The following PLCB4 variants were observed in gnomAD, a reference collection of about 807,000 sequenced individuals.
The protein encoded by PLCB4 is phospholipase C beta 4.
Under a neutral mutation model 178.8 loss-of-function variants are expected in PLCB4, and 77 were observed. The observed-to-expected ratio is 0.43, with a 90% CI of 0.36 to 0.52. The LOEUF (loss-of-function observed/expected upper bound fraction) is 0.52. PLCB4 is among the 20% of genes least tolerant of loss of function. The pLI is 0.00. For synonymous variants in PLCB4, 496 were observed against 490.8 expected (o/e 1.01, Z -0.14); for missense variants, 1,024 against 1,453.4 (o/e 0.70, Z 4.80).
chr20:9,209,665 G>C (rs912188658), intron 2 of PLCB4, among the ~76,000 whole-genome samples: 8 of 152,056 alleles, frequency 5.3e-5, no homozygotes, highest in African/African-American at 1.9e-4. Context: ...CAGCCTGAGT[G>C]AACTTGTAAG....
In PLCB4 at chr20:9,075,217, T is replaced by G. The variant is rs576989668; in HGVS notation, c.-135+6011T>G. 2.1e-3 allele frequency among the ~76,000 whole-genome samples: 319 copies of G among 152,228 alleles called. 2 individuals carry two copies. Among genetic ancestry groups the G allele is most frequent in the Non-Finnish European group, 3.6e-3 (246 of 68,010 alleles). On this transcript the variant is annotated intron_variant, in intron 1 of 39. Coordinates refer to ENST00000378473, the MANE Select transcript of PLCB4 (RefSeq NM_001377142.1). The stretch of plus-strand genomic sequence containing the variant: ...AGGCTGACATCAGAACTCCAACTTC[T>G]AACCACCGTACTGTGTATTACCTGT...
intron 4 of PLCB4, among the ~76,000 whole-genome samples, chr20:9,335,480 A>C (rs1333344736): frequency 6.6e-6 from 1 of 152,154 alleles, no homozygotes; most frequent in Non-Finnish European, 1.5e-5. Flanking sequence ...ACTGTCCAAA[A>C]ATGCCATTTT....
At chr20:9,328,656 T>G (rs1454594622) in intron 4 of PLCB4, among the ~76,000 whole-genome samples, 1 of 152,214 alleles carries the variant, frequency 6.6e-6, no homozygotes, top group Non-Finnish European at 1.5e-5. Context: ...GTCTTTCATG[T>G]GTCAGCCTCA....
intron 7 of PLCB4, among the ~76,000 whole-genome samples, chr20:9,342,416 G>T (rs1250967222): frequency 6.6e-6 from 1 of 152,098 alleles, no homozygotes; most frequent in African/African-American, 2.4e-5. Flanking sequence ...GAATCAGGGG[G>T]CCATGAAATA....
chr20:9,298,925 A>G (rs2094671937), intron 3 of PLCB4, among the ~76,000 whole-genome samples: 1 of 152,102 alleles, frequency 6.6e-6, no homozygotes, highest in African/African-American at 2.4e-5. Flanking sequence ...TAGATAAATC[A>G]TAGCAAAGGC....
At chr20:9,186,695 G>C (rs1299307891) in intron 2 of PLCB4, among the ~76,000 whole-genome samples, 4 of 152,100 alleles carry the variant, frequency 2.6e-5, no homozygotes, top group Non-Finnish European at 5.9e-5. Context: ...GTGTGGTCCA[G>C]GTCCACTTTG....
intron 19 of PLCB4, among the ~76,000 whole-genome samples, chr20:9,397,976 G>A (rs1449445056): frequency 3.3e-5 from 5 of 152,254 alleles, no homozygotes; most frequent in East Asian, 1.9e-4. Flanking sequence ...TATCCCGGAC[G>A]GCTTACTCAC....
At chr20:9,259,366 A>G (rs1033114290) in intron 3 of PLCB4, among the ~76,000 whole-genome samples, 11 of 152,222 alleles carry the variant, frequency 7.2e-5, no homozygotes, top group Admixed American at 7.2e-4. Context: ...TAGATAGTAC[A>G]GAACATGATA....
chr20:9,151,617 C>A (rs1366882907), intron 2 of PLCB4, among the ~76,000 whole-genome samples: 1 of 152,152 alleles, frequency 6.6e-6, no homozygotes, highest in African/African-American at 2.4e-5. Flanking sequence ...GAGGCCTCCC[C>A]AGCCATGTGG....
chr20:9,463,024 C>T (rs2043506588), intron 35 of PLCB4, among the ~76,000 whole-genome samples: 1 of 152,136 alleles, frequency 6.6e-6, no homozygotes, highest in Non-Finnish European at 1.5e-5. Context: ...AGAGAAAGGT[C>T]GGGTTACCCA....
rs1209199600 is a variant in PLCB4, at chr20:9,395,665, T to C, written c.1510+47T>C. 7 of 1,384,462 alleles carry C rather than the reference T, an allele frequency of 5.1e-6. No individual in the cohort carries two copies. In the Admixed American group the frequency reaches 1.2e-4, roughly 24 times the overall value. 85.8% of individuals were successfully genotyped at this position (1,384,462 alleles called of 1,614,324 possible). ...TAAGTTACATGCTTTGAAAATACTT[T>C]TTAAATAAGAAAACCAGGCTGGGCA... On this transcript the variant is annotated intron_variant, in intron 19 of 39. Transcript: ENST00000378473.
chr20:9,191,516 A>T (rs150280592), intron 2 of PLCB4, among the ~76,000 whole-genome samples: 1 of 152,126 alleles, frequency 6.6e-6, no homozygotes, highest in Non-Finnish European at 1.5e-5. Context: ...TCTATTATTT[A>T]TAACTTACCC....
intron 2 of PLCB4, among the ~76,000 whole-genome samples, chr20:9,173,001 A>G (rs1418174722): frequency 4.6e-5 from 7 of 152,152 alleles, no homozygotes; most frequent in African/African-American, 1.7e-4. Flanking sequence ...TATAAGAAAA[A>G]TCTCACTCTG....
At chr20:9,460,193 A>G (rs2072954) in intron 35 of PLCB4, among the ~76,000 whole-genome samples, 42,267 of 152,166 alleles carry the variant, frequency 0.28, 6,065 homozygotes, top group Middle Eastern at 0.38. Flanking sequence ...ACAAAGTAGC[A>G]TATGACACAT....
intron 15 of PLCB4, among the ~76,000 whole-genome samples, chr20:9,388,238 CAATA>C (rs2037844325): frequency 6.6e-6 from 1 of 152,106 alleles, no homozygotes; most frequent in African/African-American, 2.4e-5. Context: ...AACTCCATCT[CAATA>C]AATAAATAAG....
intron 3 of PLCB4, among the ~76,000 whole-genome samples, chr20:9,274,926 T>C (rs1387818093): frequency 1.3e-5 from 2 of 152,056 alleles, no homozygotes; most frequent in Non-Finnish European, 2.9e-5. Context: ...GTCATTCAAG[T>C]GTAAGAAAAA....
chr20:9,307,769 A>G (rs778208884), intron 3 of PLCB4, 31 bp from the exon 4 acceptor site: 3 of 1,011,412 alleles, frequency 3.0e-6, no homozygotes, highest in South Asian at 2.9e-5. Flanking sequence ...TTCATTTTAT[A>G]TACTAACGAG....
chr20:9,173,391 G>A (rs2093097936), intron 2 of PLCB4, among the ~76,000 whole-genome samples: 1 of 152,150 alleles, frequency 6.6e-6, no homozygotes, highest in Non-Finnish European at 1.5e-5. Context: ...TTCCTTTAGA[G>A]GAGACACACG....
intron 27 of PLCB4, among the ~76,000 whole-genome samples, chr20:9,422,473 C>T (rs1219307885): frequency 6.6e-6 from 1 of 152,128 alleles, no homozygotes; most frequent in Non-Finnish European, 1.5e-5. Flanking sequence ...CCTGGTATTT[C>T]CAATTTGTTA....
Sources: allele counts gnomAD v4.1 joint callset (sites outside exome capture counted in the v4.1 genomes callset), GRCh38; gene constraint gnomAD v4.1.1; transcripts MANE v1.5; gene names NCBI Gene and HGNC (gene_info 2026-07-23, HGNC 2026-07-21).